COL19A1: variants seen among roughly 807,000 people sequenced by gnomAD.
COL19A1 encodes collagen type XIX alpha 1 chain.
A neutral mutation model predicts 190.2 loss-of-function variants in COL19A1; 159 were observed. The observed-to-expected ratio is 0.84, with a 90% CI of 0.73 to 0.95. COL19A1 has a LOEUF of 0.95. Ranked by LOEUF, COL19A1 falls within the 40% of genes least tolerant of loss-of-function variation. The pLI is 0.00. For synonymous variants in COL19A1, 509 were observed against 458.9 expected (o/e 1.11, Z -1.39); for missense variants, 1,418 against 1,431.9 (o/e 0.99, Z 0.16).
At chr6:69,968,925 T>A (rs1426210311) in intron 11 of COL19A1, among the ~76,000 whole-genome samples, 1 of 152,220 alleles carries the variant, frequency 6.6e-6, no homozygotes, top group Non-Finnish European at 1.5e-5. Context: ...GATGTTTATT[T>A]TGAAAGTGAT....
intron 15 of COL19A1, among the ~76,000 whole-genome samples, chr6:70,069,859 T>C (rs1279072631): frequency 1.3e-5 from 2 of 152,156 alleles, no homozygotes; most frequent in Non-Finnish European, 1.5e-5. Context: ...TTTGGGGGCT[T>C]TTTGCTTTTA....
intron 7 of COL19A1, among the ~76,000 whole-genome samples, chr6:69,933,765 A>C (rs939984742): frequency 6.6e-6 from 1 of 152,092 alleles, no homozygotes; most frequent in Non-Finnish European, 1.5e-5. Flanking sequence ...ATTCAGACTC[A>C]GTAAGGGAAG....
chr6:69,940,373 A>G (rs1773394719), intron 9 of COL19A1, among the ~76,000 whole-genome samples: 1 of 152,132 alleles, frequency 6.6e-6, no homozygotes, highest in Admixed American at 6.6e-5. Context: ...TAATAATAAA[A>G]TACAGGGCCT....
At position 69,925,216 on chromosome 6, in the gene COL19A1, G is replaced by T. The variant is rs950798109; in HGVS notation, c.267-2693G>T. ...TTTTTTTCTAGGGTTTTTATGGTTTGAGGTCTAACATTTAAGTCTTTAATC... is the reference window on the plus strand; with the variant it reads ...TTTTTTTCTAGGGTTTTTATGGTTTTAGGTCTAACATTTAAGTCTTTAATC... On this transcript the variant is annotated intron_variant, in intron 4 of 50. Coordinates refer to ENST00000620364, the MANE Select transcript of COL19A1 (RefSeq NM_001858.6). 2.4e-4 allele frequency among the ~76,000 whole-genome samples: 37 copies of T among 151,932 alleles called. 1 individual carries two copies. The highest frequency in any genetic ancestry group is 2.1e-4 in the South Asian group (1 of 4,818).
At chr6:70,107,727 C>T (rs1053154497) in intron 16 of COL19A1, among the ~76,000 whole-genome samples, 4 of 152,104 alleles carry the variant, frequency 2.6e-5, no homozygotes, top group South Asian at 2.1e-4. Flanking sequence ...ATTCTAGATA[C>T]GTCATGAAGA....
chr6:70,184,668 A>G lies in COL19A1; in HGVS notation c.2776-35A>G. 2.6e-6 allele frequency: 4 copies of G among 1,526,288 alleles called. No individual in the cohort carries two copies. The South Asian group carries it at 4.7e-5, about 18-fold the overall frequency. 94.5% of individuals were successfully genotyped at this position (1,526,288 alleles called of 1,614,324 possible). ...TTGTTGTGTTTAACTATGTTAATGCAGAGTTAGAAATATTAATCCTTTTTT... is the reference window on the plus strand; with the variant it reads ...TTGTTGTGTTTAACTATGTTAATGCGGAGTTAGAAATATTAATCCTTTTTT... On this transcript the variant is annotated intron_variant, in intron 44 of 50. Coordinates refer to ENST00000620364, the MANE Select transcript of COL19A1 (RefSeq NM_001858.6).
intron 9 of COL19A1, among the ~76,000 whole-genome samples, chr6:69,953,444 A>T (rs1774235021): frequency 6.6e-6 from 1 of 152,134 alleles, no homozygotes; most frequent in South Asian, 2.1e-4. Flanking sequence ...TATCAGTGAA[A>T]AACTATTGCT....
intron 15 of COL19A1, among the ~76,000 whole-genome samples, chr6:70,082,990 C>G (rs9446188): frequency 0.58 from 88,814 of 151,916 alleles, 26,431 homozygotes; most frequent in South Asian, 0.7. Flanking sequence ...CGGTAATGCT[C>G]GCCCGCCACT....
chr6:70,130,621 G>T (rs1245479107), intron 18 of COL19A1, among the ~76,000 whole-genome samples: 1 of 152,228 alleles, frequency 6.6e-6, no homozygotes, highest in Non-Finnish European at 1.5e-5. Context: ...CAGTTGGGTT[G>T]CATCTCTGGG....
intron 34 of COL19A1, among the ~76,000 whole-genome samples, chr6:70,160,292 T>C (rs1787715304): frequency 1.3e-5 from 2 of 151,932 alleles, no homozygotes; most frequent in African/African-American, 4.8e-5. Context: ...TTCCAAACAC[T>C]TACAAAACCA....
At chr6:70,084,624 A>G (rs1782473810) in intron 15 of COL19A1, among the ~76,000 whole-genome samples, 1 of 152,112 alleles carries the variant, frequency 6.6e-6, no homozygotes, top group Admixed American at 6.5e-5. Flanking sequence ...GCCTTGATTC[A>G]TTCCCCTACT....
chr6:70,026,935 T>C (rs1418994318), intron 12 of COL19A1, among the ~76,000 whole-genome samples: 1 of 152,180 alleles, frequency 6.6e-6, no homozygotes, highest in Non-Finnish European at 1.5e-5. Context: ...TCATTGCTTA[T>C]TTTTCAGTGC....
intron 3 of COL19A1, 35 bp downstream of exon 3, chr6:69,899,057 A>T (rs1362832677): frequency 7.3e-7 from 1 of 1,374,024 alleles, no homozygotes; most frequent in South Asian, 1.2e-5. Flanking sequence ...GTAATATTTT[A>T]TGTAAAATTA....
At chr6:69,993,366 T>C (rs1776728910) in intron 11 of COL19A1, among the ~76,000 whole-genome samples, 1 of 152,132 alleles carries the variant, frequency 6.6e-6, no homozygotes, top group Non-Finnish European at 1.5e-5. Context: ...TGCTAATATT[T>C]TGTTGAGAAT....
At chr6:70,029,509 A>G (rs1002243910) in intron 12 of COL19A1, among the ~76,000 whole-genome samples, 2 of 152,168 alleles carry the variant, frequency 1.3e-5, no homozygotes, top group African/African-American at 4.8e-5. Context: ...TTCAGAGTCT[A>G]TTCCATTTGG....
intron 36 of COL19A1, among the ~76,000 whole-genome samples, chr6:70,164,276 A>G (rs802172): frequency 0.76 from 115,908 of 152,054 alleles, 45,034 homozygotes; most frequent in African/African-American, 0.91. Flanking sequence ...ACCCCATTTA[A>G]GATCTAAACT....
intron 10 of COL19A1, among the ~76,000 whole-genome samples, chr6:69,960,848 G>A (rs892276805): frequency 1.3e-5 from 2 of 151,812 alleles, no homozygotes; most frequent in Non-Finnish European, 2.9e-5. Flanking sequence ...AGCCAGGATG[G>A]TCTCGATCTC....
At chr6:69,989,063 T>C (rs1225234667) in intron 11 of COL19A1, among the ~76,000 whole-genome samples, 1 of 152,206 alleles carries the variant, frequency 6.6e-6, no homozygotes, top group Non-Finnish European at 1.5e-5. Context: ...GCCCTTCTTT[T>C]TCAGCCCCAT....
chr6:69,910,876 G>A (rs917237944), intron 4 of COL19A1, among the ~76,000 whole-genome samples: 1 of 152,138 alleles, frequency 6.6e-6, no homozygotes, highest in African/African-American at 2.4e-5. Flanking sequence ...TCATAAAAAT[G>A]CTATTTGAGG....
Sources: gnomAD v4.1 joint callset for allele counts (sites outside exome capture counted in the v4.1 genomes callset) on GRCh38, gnomAD v4.1.1 for gene constraint, MANE v1.5 for transcripts, NCBI Gene and HGNC (gene_info 2026-07-23, HGNC 2026-07-21) for gene names.